NRG4: variants seen among roughly 807,000 people sequenced by gnomAD.
NRG4 encodes pro-neuregulin-4, membrane-bound isoform.
NRG4 carries 10 observed loss-of-function variants against 15.0 expected under a neutral mutation model. The ratio of observed to expected loss-of-function variants is 0.67; its 90% confidence interval spans 0.41 to 1.13. NRG4 has a LOEUF of 1.13. Among genes scored for constraint, NRG4 ranks in the 50% most tolerant of loss-of-function variants. The probability of loss-of-function intolerance (pLI) is 0.00; values close to 1 mark genes in which losing one functional copy is unlikely to be tolerated. For synonymous variants in NRG4, 41 were observed against 50.1 expected, an observed-to-expected ratio of 0.82 and a Z score of 0.77; for missense variants, 139 against 140.2, an observed-to-expected ratio of 0.99 and a Z score of 0.04.
In NRG4 at chr15:75,942,015, G is replaced by C. The variant is rs2031040602; in HGVS notation, c.*1623C>G. 7.4e-6 allele frequency: 1 copy of C among 134,520 alleles called. No individual in the cohort carries two copies. Among genetic ancestry groups the C allele is most frequent in the Non-Finnish European group, 1.5e-5 (1 of 64,620 alleles). The allele number at this position is 134,520 out of a possible 1,614,324, so 8.3% of individuals were successfully genotyped here. On this transcript the variant is annotated 3_prime_UTR_variant, in exon 6 of 6. Transcript: ENST00000394907. ...AAAAGGGCAGGGGGTGGGGTATTTA[G>C]TCACAAGACATAGAGGAACTTTAAG...
chr15:75,982,427 G>A (rs1261058329), intron 3 of NRG4, among the ~76,000 whole-genome samples: 4 of 152,092 alleles, frequency 2.6e-5, no homozygotes, highest in African/African-American at 9.7e-5. Flanking sequence ...AAATTCAATG[G>A]CCATTCTTGA....
intron 4 of NRG4, among the ~76,000 whole-genome samples, chr15:76,046,013 T>C (rs1214866546): frequency 6.6e-6 from 1 of 151,242 alleles, no homozygotes. Flanking sequence ...ATGCATTGCA[T>C]GCATGTATCA....
intron 3 of NRG4, chr15:76,005,811 TGAG>T (rs1567105913): frequency 4.7e-5 from 20 of 421,060 alleles, no homozygotes; most frequent in Non-Finnish European, 6.6e-5. Flanking sequence ...TCGTGTAGAC[TGAG>T]GAGGAGGAGA....
chr15:75,994,030 G>A (rs2034122722), intron 3 of NRG4, among the ~76,000 whole-genome samples: 1 of 152,084 alleles, frequency 6.6e-6, no homozygotes, highest in Admixed American at 6.6e-5. Flanking sequence ...CAGTATGGAC[G>A]ACATTTTTCT....
At chr15:76,005,541 C>A (rs552649281) in intron 3 of NRG4, among the ~76,000 whole-genome samples, 1 of 151,854 alleles carries the variant, frequency 6.6e-6, no homozygotes, top group South Asian at 2.1e-4. Context: ...CAAAATTTAG[C>A]TGGGTGTCGT....
chr15:76,041,753 T>A (rs2035746493), intron 4 of NRG4, among the ~76,000 whole-genome samples: 1 of 152,116 alleles, frequency 6.6e-6, no homozygotes, highest in Non-Finnish European at 1.5e-5. Flanking sequence ...CACCCCACTT[T>A]AAGCGTTGGA....
At chr15:75,961,105 T>C (rs1238179187) in intron 4 of NRG4, among the ~76,000 whole-genome samples, 3 of 152,220 alleles carry the variant, frequency 2.0e-5, no homozygotes, top group Non-Finnish European at 4.4e-5. Flanking sequence ...TTTTCACAAG[T>C]ATCTATGATA....
At chr15:76,006,071 G>A (rs1348256358) in intron 3 of NRG4, among the ~76,000 whole-genome samples, 3 of 152,086 alleles carry the variant, frequency 2.0e-5, no homozygotes, top group South Asian at 2.1e-4. Flanking sequence ...ATTAGCCTCC[G>A]GGAAAATTGG....
chr15:75,989,073 G>A (rs1186204575), intron 3 of NRG4, among the ~76,000 whole-genome samples: 1 of 151,904 alleles, frequency 6.6e-6, no homozygotes, highest in African/African-American at 2.4e-5. Flanking sequence ...GTCCAGGCTG[G>A]TCTTGAACAC....
At chr15:76,060,115 C>T, upstream of NRG4, 1 of 152,108 alleles carries the variant, frequency 6.6e-6, no homozygotes, top group Non-Finnish European at 1.5e-5. Context: ...TCAAGGTTTG[C>T]AGGATGCGTG....
intron 5 of NRG4, among the ~76,000 whole-genome samples, chr15:76,023,129 TCCACACACACAC>T (rs2035206504): frequency 9.6e-6 from 1 of 104,582 alleles, no homozygotes; most frequent in African/African-American, 3.6e-5. Flanking sequence ...GCACCCATAC[TCCACACACACAC>T]ACACACACAC....
At chr15:75,940,088 T>C (rs1218438722), downstream of NRG4, 3 of 148,340 alleles carry the variant, frequency 2.0e-5, no homozygotes, top group Non-Finnish European at 3.0e-5. Context: ...ATATGATCTT[T>C]AGACAACCCG....
At chr15:76,051,618 C>T (rs1272864849) in intron 4 of NRG4, among the ~76,000 whole-genome samples, 1 of 147,654 alleles carries the variant, frequency 6.8e-6, no homozygotes. Context: ...GGCTGGAGTG[C>T]TGTGGCACTA....
At chr15:75,998,232 T>C (rs2141885637) in intron 3 of NRG4, among the ~76,000 whole-genome samples, 1 of 152,308 alleles carries the variant, frequency 6.6e-6, no homozygotes, top group South Asian at 2.1e-4. Context: ...AAAATTTCTT[T>C]CCCTGTGGGA....
chr15:75,940,344 A>G (rs1045691203), downstream of NRG4: 1 of 140,524 alleles, frequency 7.1e-6, no homozygotes, highest in Admixed American at 6.8e-5. Context: ...AAAGATAAAA[A>G]TAAACGGAAA....
intron 3 of NRG4, among the ~76,000 whole-genome samples, chr15:75,985,496 C>T (rs1025965406): frequency 6.6e-6 from 1 of 152,142 alleles, no homozygotes; most frequent in Non-Finnish European, 1.5e-5. Flanking sequence ...TCTTCTGCCT[C>T]GCATATACCA....
chr15:76,016,028 G>C (rs1397021149), upstream of NRG4, among the ~76,000 whole-genome samples: 3 of 152,120 alleles, frequency 2.0e-5, no homozygotes, highest in Non-Finnish European at 4.4e-5. Flanking sequence ...TTCAGAACTT[G>C]TTATTGGTCT....
chr15:76,011,821 C>T (rs892247227), intron 1 of NRG4, among the ~76,000 whole-genome samples: 21 of 151,990 alleles, frequency 1.4e-4, no homozygotes, highest in African/African-American at 4.4e-4. Flanking sequence ...CAAACCTGCA[C>T]GTCCTGCACA....
chr15:75,996,167 C>T (rs866548192), intron 3 of NRG4, among the ~76,000 whole-genome samples: 1 of 152,082 alleles, frequency 6.6e-6, no homozygotes, highest in Non-Finnish European at 1.5e-5. Flanking sequence ...GGCAACATAA[C>T]GAGGCCACGT....
Sources: gnomAD v4.1 joint callset for allele counts (sites outside exome capture counted in the v4.1 genomes callset) on GRCh38, gnomAD v4.1.1 for gene constraint, MANE v1.5 for transcripts, NCBI Gene and HGNC (gene_info 2026-07-23, HGNC 2026-07-21) for gene names.